Variants in BCAR3 observed in about 807,000 individuals in gnomAD.
BCAR3 encodes the protein BCAR3 adaptor protein, NSP family member.
A neutral mutation model predicts 80.1 loss-of-function variants in BCAR3; 37 were observed. The ratio of observed to expected loss-of-function variants is 0.46; its 90% CI spans 0.36 to 0.61. The LOEUF is 0.61. BCAR3 is among the 20% of genes least tolerant of loss of function. BCAR3 has a pLI of 0.00. For missense variants in BCAR3, 978 were observed against 1,068.2 expected, an observed-to-expected ratio of 0.92 and a Z score of 1.18; for synonymous variants, 389 against 418.9, an observed-to-expected ratio of 0.93 and a Z score of 0.87.
chr1:93,846,357 T>G (rs749493285), intron 1 of BCAR3, among the ~76,000 whole-genome samples: 49 of 152,288 alleles, frequency 3.2e-4, no homozygotes, highest in Non-Finnish European at 6.9e-4. Flanking sequence ...GCGGCCGCCC[T>G]GCGAATCCTC....
intron 6 of BCAR3, among the ~76,000 whole-genome samples, chr1:93,583,639 C>T (rs1673818935): frequency 6.6e-6 from 1 of 152,152 alleles, no homozygotes; most frequent in South Asian, 2.1e-4. Flanking sequence ...GATCCACCCG[C>T]CCACCCGGGA....
intron 2 of BCAR3, among the ~76,000 whole-genome samples, chr1:93,657,953 T>C (rs1056340509): frequency 6.6e-6 from 1 of 150,882 alleles, no homozygotes; most frequent in Non-Finnish European, 1.5e-5. Flanking sequence ...ACTGCTTCTT[T>C]TTTTTTTTTT....
chr1:93,643,142 G>A lies in BCAR3; in HGVS notation c.318-799C>T, dbSNP rs140671863. Among the ~76,000 whole-genome samples, 400 of 151,164 alleles carry A rather than the reference G, an allele frequency of 2.6e-3. 2 individuals are homozygous for A. Among genetic ancestry groups the A allele is most frequent in the Non-Finnish European group, 4.5e-3 (307 of 67,902 alleles). On this transcript the variant is annotated intron_variant, in intron 2 of 11. Coordinates refer to ENST00000260502, the MANE Select transcript of BCAR3 (RefSeq NM_003567.4). ...CTAGGGACGGTGAGGCAGGAGAATC[G>A]CTTGAACCCAGGAGGCAGAGGTTGC...
chr1:93,600,154 T>A (rs1187102824), intron 3 of BCAR3, among the ~76,000 whole-genome samples: 1 of 152,226 alleles, frequency 6.6e-6, no homozygotes, highest in Admixed American at 6.5e-5. Context: ...ATATTTAGTT[T>A]TCATTCATGC....
intron 2 of BCAR3, among the ~76,000 whole-genome samples, chr1:93,833,764 C>T (rs1391721790): frequency 6.6e-6 from 1 of 152,160 alleles, no homozygotes; most frequent in Non-Finnish European, 1.5e-5. Context: ...GCCTAGATTT[C>T]ATATTGTTCA....
chr1:93,765,425 T>C (rs552309340), intron 2 of BCAR3, among the ~76,000 whole-genome samples: 1 of 152,282 alleles, frequency 6.6e-6, no homozygotes, highest in East Asian at 1.9e-4. Context: ...GGGCCATCTC[T>C]AGGATCACCA....
At chr1:93,768,383 T>A (rs1226123213) in intron 2 of BCAR3, among the ~76,000 whole-genome samples, 1 of 152,178 alleles carries the variant, frequency 6.6e-6, no homozygotes, top group Non-Finnish European at 1.5e-5. Flanking sequence ...AAGAAAATTG[T>A]GCCCTGATGG....
chr1:93,604,791 C>T (rs966009579), intron 3 of BCAR3, among the ~76,000 whole-genome samples: 1 of 152,202 alleles, frequency 6.6e-6, no homozygotes, highest in African/African-American at 2.4e-5. Context: ...GAATTCTAAG[C>T]TTGACAGAAT....
chr1:93,652,699 T>C (rs1167950411), intron 2 of BCAR3, among the ~76,000 whole-genome samples: 5 of 152,320 alleles, frequency 3.3e-5, no homozygotes, highest in Middle Eastern at 3.4e-3. Flanking sequence ...TGTGATTCCA[T>C]GGTGGGTGCA....
chr1:93,783,388 C>A (rs1652830407), intron 2 of BCAR3, among the ~76,000 whole-genome samples: 1 of 152,152 alleles, frequency 6.6e-6, no homozygotes, highest in Admixed American at 6.5e-5. Flanking sequence ...TCTGACATTG[C>A]TAAAAATCAC....
Position 93,592,249 on chromosome 1 carries a change from G to T in BCAR3, c.486+16C>A. The T allele has an allele frequency of 6.2e-7, 1 of 1,613,348 alleles. No individual in the cohort carries two copies. On this transcript the variant is annotated intron_variant, in intron 4 of 11. Transcript: ENST00000260502. The surrounding 1 kb of genome is among the most constrained non-coding windows in gnomAD (Gnocchi z 4.8). Reference sequence around the variant, plus strand: ...AGAGCAGCCGTGTATGCTCTGGAAGGGACAAGACCAGGTACCTGTCGGGGG... The same window carrying T: ...AGAGCAGCCGTGTATGCTCTGGAAGTGACAAGACCAGGTACCTGTCGGGGG...
intron 3 of BCAR3, among the ~76,000 whole-genome samples, chr1:93,637,190 A>G (rs1283998318): frequency 2.0e-5 from 3 of 150,444 alleles, no homozygotes; most frequent in Non-Finnish European, 4.4e-5. Context: ...TTTTTTTTTG[A>G]GACGAGTCTT....
chr1:93,689,640 AAG>A (rs1480309485), intron 3 of BCAR3, among the ~76,000 whole-genome samples: 1 of 152,016 alleles, frequency 6.6e-6, no homozygotes, highest in Non-Finnish European at 1.5e-5. Flanking sequence ...TATGGAAATG[AAG>A]AGAGAGGAAA....
intron 2 of BCAR3, among the ~76,000 whole-genome samples, chr1:93,665,992 C>T (rs1457566566): frequency 1.3e-5 from 2 of 152,164 alleles, no homozygotes; most frequent in African/African-American, 4.8e-5. Context: ...CCACAGACTT[C>T]TCTCCTCTAC....
chr1:93,639,584 C>CT (rs370266516), intron 3 of BCAR3, among the ~76,000 whole-genome samples: 28 of 151,090 alleles, frequency 1.9e-4, no homozygotes, highest in African/African-American at 6.3e-4. Context: ...TCAAGCAATT[C>CT]TCCTGCCTCA....
intron 2 of BCAR3, among the ~76,000 whole-genome samples, chr1:93,774,415 C>T (rs1002572264): frequency 1.3e-5 from 2 of 148,902 alleles, no homozygotes; most frequent in African/African-American, 5.0e-5. Flanking sequence ...ACCCAGGAGG[C>T]AGAGGTTGCA....
At chr1:93,655,266 C>T (rs1295352386) in intron 2 of BCAR3, among the ~76,000 whole-genome samples, 1 of 152,092 alleles carries the variant, frequency 6.6e-6, no homozygotes, top group Non-Finnish European at 1.5e-5. Context: ...TTTGAAAAGT[C>T]CCCCTGCAGC....
chr1:93,694,864 T>A (rs1439092858), intron 3 of BCAR3, among the ~76,000 whole-genome samples: 1 of 152,194 alleles, frequency 6.6e-6, no homozygotes, highest in Non-Finnish European at 1.5e-5. Flanking sequence ...CCCACTCCTG[T>A]CCTGTGACAG....
intron 2 of BCAR3, among the ~76,000 whole-genome samples, chr1:93,749,939 A>G (rs969326981): frequency 6.9e-5 from 10 of 145,026 alleles, no homozygotes; most frequent in Non-Finnish European, 1.2e-4. Flanking sequence ...GTTTCAGCTT[A>G]AAGATATATG....
Sources: gnomAD v4.1 joint callset for allele counts (sites outside exome capture counted in the v4.1 genomes callset) on GRCh38, gnomAD v4.1.1 for gene constraint, Gnocchi (gnomAD v3.1) non-coding constraint, MANE v1.5 for transcripts, NCBI Gene and HGNC (gene_info 2026-07-23, HGNC 2026-07-21) for gene names.